The following NRG1 variants were observed in gnomAD, a reference collection of about 807,000 sequenced individuals.
NRG1 encodes neuregulin 1.
NRG1 carries 18 observed loss-of-function variants against 63.8 expected under a neutral mutation model. The ratio of observed to expected loss-of-function variants is 0.28; its 90% CI spans 0.19 to 0.42. The LOEUF is 0.42. Ranked by LOEUF, NRG1 falls within the 10% of genes least tolerant of loss-of-function variation. NRG1 has a pLI of 1.00. For synonymous variants in NRG1, 302 were observed against 301.3 expected (o/e 1.00, Z -0.02); for missense variants, 762 against 814.7 (o/e 0.94, Z 0.79).
At chr8:31,749,110 A>G (rs1226357122) in intron 1 of NRG1, among the ~76,000 whole-genome samples, 1 of 151,874 alleles carries the variant, frequency 6.6e-6, no homozygotes, top group African/African-American at 2.4e-5. Flanking sequence ...AAACTTCTCC[A>G]TGACAGAGGA....
intron 1 of NRG1, among the ~76,000 whole-genome samples, chr8:31,985,712 T>C (rs1423132637): frequency 6.6e-6 from 1 of 152,130 alleles, no homozygotes; most frequent in Admixed American, 6.6e-5. Flanking sequence ...TGTGTATGTT[T>C]CTACTACATT....
intron 1 of NRG1, among the ~76,000 whole-genome samples, chr8:32,185,015 T>G (rs571967098): frequency 6.6e-6 from 1 of 152,338 alleles, no homozygotes; most frequent in South Asian, 2.1e-4. Context: ...TGGAGACTTT[T>G]GTGTGTAAAT....
intron 1 of NRG1, among the ~76,000 whole-genome samples, chr8:32,040,386 TA>T (rs1454961856): frequency 1.2e-4 from 18 of 152,142 alleles, no homozygotes; most frequent in African/African-American, 4.3e-4. Context: ...TATTGTGTTT[TA>T]AAAAGTCAAA....
At chr8:31,786,630 C>T (rs1466223562) in intron 1 of NRG1, among the ~76,000 whole-genome samples, 1 of 152,186 alleles carries the variant, frequency 6.6e-6, no homozygotes, top group Non-Finnish European at 1.5e-5. Flanking sequence ...TCAACTTCCC[C>T]CTTGGGTTTG....
chr8:32,231,213 G>A (rs1322649450), intron 1 of NRG1, among the ~76,000 whole-genome samples: 2 of 152,132 alleles, frequency 1.3e-5, no homozygotes, highest in Admixed American at 6.5e-5. Flanking sequence ...ATTAAAAAAG[G>A]AGAGTTGAAT....
chr8:32,768,532 C>T (rs533607738), downstream of NRG1, among the ~76,000 whole-genome samples: 3 of 152,300 alleles, frequency 2.0e-5, no homozygotes, highest in East Asian at 1.9e-4. Flanking sequence ...GTTCATTCCC[C>T]TTATTCTGTC....
At chr8:31,882,992 G>T (rs1400387687) in intron 1 of NRG1, among the ~76,000 whole-genome samples, 1 of 152,004 alleles carries the variant, frequency 6.6e-6, no homozygotes, top group Non-Finnish European at 1.5e-5. Context: ...GCAGCAACAG[G>T]GTTTGAAAGG....
At chr8:32,097,212 C>T (rs1247175586) in intron 1 of NRG1, among the ~76,000 whole-genome samples, 1 of 152,112 alleles carries the variant, frequency 6.6e-6, no homozygotes, top group East Asian at 1.9e-4. Flanking sequence ...TTCTGTTGTA[C>T]ACATTTACCA....
At position 31,890,727 on chromosome 8, in the gene NRG1, A is replaced by G. The variant is rs559302446; in HGVS notation, c.37+251296A>G. Reference sequence around the variant, plus strand: ...AAAGAAAAACATAAACAAACATTCTATCATAGGAATGACAATCACAGTCAA... The same window carrying G: ...AAAGAAAAACATAAACAAACATTCTGTCATAGGAATGACAATCACAGTCAA... On this transcript the variant is annotated intron_variant, in intron 1 of 10. Transcript: ENST00000519301. Among the ~76,000 whole-genome samples, 13 of 152,348 alleles carry G rather than the reference A, an allele frequency of 8.5e-5. No individual in the cohort carries two copies. In the East Asian group the frequency reaches 2.3e-3, roughly 27 times the overall value.
intron 1 of NRG1, among the ~76,000 whole-genome samples, chr8:31,931,423 T>C (rs1237966108): frequency 6.6e-6 from 1 of 152,170 alleles, no homozygotes; most frequent in African/African-American, 2.4e-5. Flanking sequence ...ACTAACTGTG[T>C]GACCTTGGGC....
chr8:31,675,468 G>A (rs562546365), intron 1 of NRG1, among the ~76,000 whole-genome samples: 1 of 152,188 alleles, frequency 6.6e-6, no homozygotes, highest in Non-Finnish European at 1.5e-5. Flanking sequence ...ACTTGAGTCT[G>A]TCTTTGCCTA....
At chr8:32,179,220 G>A (rs1344915629) in intron 1 of NRG1, among the ~76,000 whole-genome samples, 2 of 149,260 alleles carry the variant, frequency 1.3e-5, no homozygotes, top group African/African-American at 4.9e-5. Context: ...AAAAGTAGGA[G>A]GGAGTGCCTA....
chr8:32,618,431 G>T (rs1485437625), intron 5 of NRG1, among the ~76,000 whole-genome samples: 1 of 152,116 alleles, frequency 6.6e-6, no homozygotes, highest in Non-Finnish European at 1.5e-5. Context: ...AAGCTTTGGG[G>T]AACTGAAATA....
intron 1 of NRG1, among the ~76,000 whole-genome samples, chr8:32,580,025 G>T (rs1424024150): frequency 1.3e-5 from 2 of 152,154 alleles, no homozygotes; most frequent in Non-Finnish European, 2.9e-5. Context: ...CACACCGTTA[G>T]ATTGGGTGAA....
chr8:31,944,659 A>G (rs1464115445), intron 1 of NRG1, among the ~76,000 whole-genome samples: 2 of 152,212 alleles, frequency 1.3e-5, no homozygotes, highest in South Asian at 2.1e-4. Context: ...CACAGATCCT[A>G]AACATGTAAA....
intron 1 of NRG1, among the ~76,000 whole-genome samples, chr8:32,593,511 A>G (rs76819423): frequency 1.4e-5 from 1 of 69,446 alleles, no homozygotes; most frequent in South Asian, 5.6e-4. Flanking sequence ...ACAGTTAGCC[A>G]GGGGTGGTAT....
chr8:31,909,869 T>G (rs577473334), intron 1 of NRG1, among the ~76,000 whole-genome samples: 1 of 152,212 alleles, frequency 6.6e-6, no homozygotes, highest in African/African-American at 2.4e-5. Context: ...CTTTGGTGCT[T>G]CTTTCCTTCA....
chr8:32,764,411 TA>T, exon 12 of NRG1: 1 of 1,536,564 alleles, frequency 6.5e-7, no homozygotes, highest in Non-Finnish European at 8.7e-7. Context: ...AAAACCTAAA[TA>T]AACACATAGA....
At chr8:31,736,850 T>C (rs1785474113) in intron 1 of NRG1, among the ~76,000 whole-genome samples, 1 of 152,174 alleles carries the variant, frequency 6.6e-6, no homozygotes, top group Non-Finnish European at 1.5e-5. Flanking sequence ...TGTATGTACG[T>C]ACACACACAT....
Sources: allele counts gnomAD v4.1 joint callset (sites outside exome capture counted in the v4.1 genomes callset), GRCh38; gene constraint gnomAD v4.1.1; transcripts MANE v1.5; gene names NCBI Gene and HGNC (gene_info 2026-07-23, HGNC 2026-07-21).